The following GPC6 variants were observed in gnomAD, a reference collection of about 807,000 sequenced individuals.
GPC6 encodes glypican 6.
Under a neutral mutation model 55.2 loss-of-function variants are expected in GPC6, and 14 were observed. That is an observed-to-expected ratio of 0.25 (90% CI 0.17 to 0.40). The LOEUF (loss-of-function observed/expected upper bound fraction) is 0.40, where lower values mean the gene tolerates loss of function less well. GPC6 is among the 10% of genes least tolerant of loss of function. The pLI is 1.00. For missense variants in GPC6, 641 were observed against 708.5 expected, an observed-to-expected ratio of 0.90 and a Z score of 1.08; for synonymous variants, 278 against 259.6, an observed-to-expected ratio of 1.07 and a Z score of -0.68.
intron 6 of GPC6, among the ~76,000 whole-genome samples, chr13:94,335,901 ATTTTTT>A (rs57333414): frequency 0.04 from 5,861 of 147,060 alleles, 185 homozygotes; most frequent in Non-Finnish European, 0.064. Flanking sequence ...TGTTGTTGTG[ATTTTTT>A]TTTTTTTTTT....
intron 2 of GPC6, among the ~76,000 whole-genome samples, chr13:93,626,890 C>T (rs938407253): frequency 1.3e-5 from 2 of 151,018 alleles, no homozygotes; most frequent in Admixed American, 6.6e-5. Context: ...GCACAGGAAA[C>T]GTGACTGGGG....
At chr13:94,030,058 G>A (rs1414294282) in intron 4 of GPC6, among the ~76,000 whole-genome samples, 2 of 149,678 alleles carry the variant, frequency 1.3e-5, no homozygotes, top group Admixed American at 6.7e-5. Context: ...GCTGGAGTGC[G>A]ATGGCACGAT....
intron 1 of GPC6, among the ~76,000 whole-genome samples, chr13:93,287,854 T>G (rs999121938): frequency 6.6e-6 from 1 of 151,816 alleles, no homozygotes; most frequent in Admixed American, 6.6e-5. Context: ...GGAAATTATG[T>G]TTTTTTTAAA....
In GPC6 at chr13:94,353,122, C is replaced by A. The variant is rs558672098; in HGVS notation, c.1153-29292C>A. Among the ~76,000 whole-genome samples, 5 of 152,160 alleles carry A rather than the reference C, an allele frequency of 3.3e-5. No homozygotes were observed. In the East Asian group the frequency reaches 7.7e-4, roughly 24 times the overall value. On this transcript the variant is annotated intron_variant, in intron 6 of 8. Coordinates refer to ENST00000377047, the MANE Select transcript of GPC6 (RefSeq NM_005708.5). Reference sequence around the variant, plus strand: ...CTAAGGAGAGAAAAAGAAGTAGATACGACTTACAAGGAAGGGAGGGAGACA... The same window carrying A: ...CTAAGGAGAGAAAAAGAAGTAGATAAGACTTACAAGGAAGGGAGGGAGACA...
chr13:93,295,133 A>AAT (rs1954740213), intron 1 of GPC6, among the ~76,000 whole-genome samples: 1 of 147,944 alleles, frequency 6.8e-6, no homozygotes, highest in African/African-American at 2.5e-5. Flanking sequence ...AAAAAAAAAA[A>AAT]TACAAATACT....
intron 1 of GPC6, among the ~76,000 whole-genome samples, chr13:93,302,319 T>C (rs1297532022): frequency 1.3e-5 from 2 of 152,236 alleles, no homozygotes. Flanking sequence ...AAATGGCATA[T>C]GGTCCATCTA....
chr13:93,777,240 G>T lies in GPC6; in HGVS notation c.320-52914G>T, dbSNP rs149387874. Among the ~76,000 whole-genome samples, 257 of 152,172 alleles carry T rather than the reference G, an allele frequency of 1.7e-3. 2 individuals are homozygous for T. The highest frequency in any genetic ancestry group is 5.7e-3 in the African/African-American group (237 of 41,534). ...GTTTTAATTTAATTTCCCAAGCCCC[G>T]TCTCCTGTTTTCTTACGTTCTCCAC... On this transcript the variant is annotated intron_variant, in intron 2 of 8. Coordinates refer to ENST00000377047, the MANE Select transcript of GPC6 (RefSeq NM_005708.5).
chr13:93,721,116 C>T (rs1227329561), intron 2 of GPC6, among the ~76,000 whole-genome samples: 2 of 151,860 alleles, frequency 1.3e-5, no homozygotes, highest in East Asian at 3.9e-4. Context: ...TCTGAATATC[C>T]TTGCTAATTT....
chr13:93,926,825 G>A (rs978605884), intron 3 of GPC6, among the ~76,000 whole-genome samples: 39 of 152,030 alleles, frequency 2.6e-4, no homozygotes, highest in Non-Finnish European at 4.1e-4. Context: ...TTAAATAGAA[G>A]ACAGACACTG....
chr13:94,306,100 G>C lies in GPC6; in HGVS notation c.1129G>C (p.Ala377Pro). The C allele has an allele frequency of 6.2e-7, 1 of 1,614,194 alleles. No homozygotes were observed. Among genetic ancestry groups the C allele is most frequent in the Non-Finnish European group, 8.5e-7 (1 of 1,180,022 alleles). ...TCCTGAGGAAAGACCAACAACTGCT[G>C]CAGGCACAAGCTTGGACCGGCTGGT... is the stretch of plus-strand genomic sequence containing the variant. Reference protein sequence around the residue: ...YNPEERPTTAAGTSLDRLVTD... With the variant: ...YNPEERPTTAPGTSLDRLVTD... Residue 377 changes from alanine to proline, a missense_variant, in exon 6 of 9, where the codon GCA becomes CCA. By Grantham distance (27) the Ala-to-Pro change is conservative. Transcript: ENST00000377047.
At chr13:94,344,549 T>C (rs1184488908) in intron 6 of GPC6, among the ~76,000 whole-genome samples, 1 of 152,250 alleles carries the variant, frequency 6.6e-6, no homozygotes, top group Admixed American at 6.5e-5. Context: ...AAAAGCATCC[T>C]GAAGCTTCAT....
At chr13:93,754,998 A>C (rs2138868003) in intron 2 of GPC6, among the ~76,000 whole-genome samples, 1 of 152,306 alleles carries the variant, frequency 6.6e-6, no homozygotes, top group South Asian at 2.1e-4. Flanking sequence ...ACATGTACTA[A>C]TTTTTAAATG....
chr13:93,949,831 A>T (rs1018637454), intron 3 of GPC6, among the ~76,000 whole-genome samples: 2 of 152,060 alleles, frequency 1.3e-5, no homozygotes, highest in Non-Finnish European at 2.9e-5. Flanking sequence ...GGCTCCCGTG[A>T]TCCTCCCACC....
At chr13:94,148,300 A>G (rs1053165723) in intron 4 of GPC6, among the ~76,000 whole-genome samples, 4 of 152,194 alleles carry the variant, frequency 2.6e-5, no homozygotes, top group African/African-American at 9.6e-5. Context: ...CACTGCTTTC[A>G]TATTTCAAAT....
chr13:93,671,574 T>C lies in GPC6; in HGVS notation c.319+126153T>C, dbSNP rs558309551. The stretch of plus-strand genomic sequence containing the variant: ...GTTCCAGTGTCACCACCAGGAAGCC[T>C]CTGTTTGTTTTCTCTGGGTTTTTAA... On this transcript the variant is annotated intron_variant, in intron 2 of 8. Coordinates refer to ENST00000377047, the MANE Select transcript of GPC6 (RefSeq NM_005708.5). Among the ~76,000 whole-genome samples, 205 of 152,032 alleles carry C rather than the reference T, an allele frequency of 1.3e-3. 6 individuals are homozygous for C. In the South Asian group the frequency reaches 0.04, roughly 29 times the overall value.
chr13:93,568,429 G>A (rs1052978609), intron 2 of GPC6, among the ~76,000 whole-genome samples: 4 of 152,150 alleles, frequency 2.6e-5, no homozygotes, highest in Non-Finnish European at 5.9e-5. Context: ...TATTGAACTG[G>A]TGAGCAAATA....
chr13:94,118,224 T>C (rs1886502098), intron 4 of GPC6, among the ~76,000 whole-genome samples: 1 of 152,084 alleles, frequency 6.6e-6, no homozygotes, highest in Admixed American at 6.6e-5. Context: ...AGTTTCCACA[T>C]GCTGCTGTTC....
intron 6 of GPC6, among the ~76,000 whole-genome samples, chr13:94,327,294 C>G (rs1260115297): frequency 6.6e-6 from 1 of 152,100 alleles, no homozygotes; most frequent in Non-Finnish European, 1.5e-5. Context: ...GGCTTGGAGA[C>G]TTGGAATTTC....
intron 3 of GPC6, among the ~76,000 whole-genome samples, chr13:94,007,159 T>C (rs1438006429): frequency 6.6e-6 from 1 of 152,218 alleles, no homozygotes; most frequent in Non-Finnish European, 1.5e-5. Context: ...TCACGTCATC[T>C]GACACGAGTG....
Sources: gnomAD v4.1 joint callset for allele counts (sites outside exome capture counted in the v4.1 genomes callset) on GRCh38, gnomAD v4.1.1 for gene constraint, MANE v1.5 for transcripts, NCBI Gene and HGNC (gene_info 2026-07-23, HGNC 2026-07-21) for gene names.